ITGA8: variants seen among roughly 807,000 people sequenced by gnomAD.
ITGA8 encodes integrin alpha-8.
In ITGA8, 91 loss-of-function variants were observed where a neutral mutation model predicts 142.3. The ratio of observed to expected loss-of-function variants is 0.64; its 90% CI spans 0.54 to 0.76. The LOEUF (loss-of-function observed/expected upper bound fraction) is 0.76, where lower values mean the gene tolerates loss of function less well. Among genes scored for constraint, ITGA8 ranks in the 30% least tolerant of loss-of-function variants. The probability of loss-of-function intolerance (pLI) is 0.00; values close to 1 mark genes in which losing one functional copy is unlikely to be tolerated. For synonymous variants in ITGA8, 505 were observed against 485.2 expected (o/e 1.04, Z -0.54); for missense variants, 1,406 against 1,327.7 (o/e 1.06, Z -0.92).
intron 28 of ITGA8, among the ~76,000 whole-genome samples, chr10:15,529,420 G>A (rs1249368295): frequency 6.6e-6 from 1 of 152,160 alleles, no homozygotes; most frequent in African/African-American, 2.4e-5. Context: ...CTTCCCAAAG[G>A]TTTCCTAATT....
At chr10:15,563,223 C>A (rs1483629190) in intron 25 of ITGA8, among the ~76,000 whole-genome samples, 1 of 152,178 alleles carries the variant, frequency 6.6e-6, no homozygotes, top group African/African-American at 2.4e-5. Flanking sequence ...AACCTCTTTT[C>A]TTTGTGAATT....
chr10:15,562,780 G>T (rs1238003592), intron 25 of ITGA8, among the ~76,000 whole-genome samples: 2 of 152,158 alleles, frequency 1.3e-5, no homozygotes, highest in Admixed American at 6.5e-5. Context: ...GTGGGCCCTG[G>T]GACATCCCAG....
In ITGA8 at chr10:15,592,435, C is replaced by G. The variant is rs9333173; in HGVS notation, c.2212-131G>C. 2.7e-3 allele frequency: 1,854 copies of G among 680,186 alleles called. 15 individuals carry two copies. In the African/African-American group the frequency reaches 0.029, roughly 11 times the overall value. 42.1% of individuals were successfully genotyped at this position (680,186 alleles called of 1,614,324 possible). A position where few individuals can be genotyped will look rare whatever the true frequency, so the allele number is the denominator to read the frequency against. On this transcript the variant is annotated intron_variant, in intron 21 of 29. Transcript: ENST00000378076. The stretch of plus-strand genomic sequence containing the variant: ...TTTGTTCTGCTTCTACCCCAGGTGG[C>G]TGAGAGCCAAGAGAAGTCATGCAAT...
In ITGA8 at chr10:15,635,853, G is replaced by A. The variant is rs551873766; in HGVS notation, c.1399+8177C>T. Among the ~76,000 whole-genome samples the A allele has an allele frequency of 3.4e-5, 5 of 148,902 alleles. 1 individual carries two copies. In the South Asian group the frequency reaches 1.1e-3, roughly 33 times the overall value. On this transcript the variant is annotated intron_variant, in intron 13 of 29. Transcript: ENST00000378076. ...AAGGAGCTTAAAGTTTAATTGAAAT[G>A]CAGTATTCCCTTTGGATAAAGCCTC...
chr10:15,697,266 T>C (rs965269018), intron 2 of ITGA8, among the ~76,000 whole-genome samples: 1 of 152,218 alleles, frequency 6.6e-6, no homozygotes, highest in Non-Finnish European at 1.5e-5. Flanking sequence ...TTCTGAGGTT[T>C]TTTAAAAGTA....
At chr10:15,549,250 G>C (rs972593102) in intron 26 of ITGA8, among the ~76,000 whole-genome samples, 2 of 102,444 alleles carry the variant, frequency 2.0e-5, no homozygotes, top group Admixed American at 1.9e-4. Flanking sequence ...TGCTCTTCTT[G>C]CCCAGGCTGG....
intron 28 of ITGA8, among the ~76,000 whole-genome samples, chr10:15,523,126 A>C (rs1795593754): frequency 6.6e-6 from 1 of 152,216 alleles, no homozygotes; most frequent in African/African-American, 2.4e-5. Context: ...AAAGGAGTTG[A>C]AATAGAGGCT....
intron 20 of ITGA8, among the ~76,000 whole-genome samples, chr10:15,599,222 A>G (rs868610991): frequency 6.6e-6 from 1 of 151,368 alleles, no homozygotes; most frequent in Non-Finnish European, 1.5e-5. Flanking sequence ...TTCTTTTTTT[A>G]GGCATTATTT....
intron 28 of ITGA8, among the ~76,000 whole-genome samples, chr10:15,530,337 G>C (rs1833262282): frequency 6.6e-6 from 1 of 152,022 alleles, no homozygotes; most frequent in African/African-American, 2.4e-5. Flanking sequence ...CACAAGTTCA[G>C]GAGTTCGAGA....
At chr10:15,658,024 T>C (rs1041266487) in intron 10 of ITGA8, among the ~76,000 whole-genome samples, 2 of 152,176 alleles carry the variant, frequency 1.3e-5, no homozygotes, top group Admixed American at 1.3e-4. Context: ...TTTTGTTTGA[T>C]CAAAAGGCAG....
chr10:15,613,696 G>A lies in ITGA8; in HGVS notation c.1517C>T (p.Thr506Ile). 1 of 1,614,082 alleles carries A rather than the reference G, an allele frequency of 6.2e-7. No individual in the cohort carries two copies. The highest frequency in any genetic ancestry group is 1.7e-5 in the Admixed American group (1 of 60,020). Residue 506 changes from threonine (T) to isoleucine (I), a missense_variant, in exon 15 of 30, where the codon ACT becomes ATT. Transcript: ENST00000378076. Reference sequence around the variant, plus strand: ...TGTCATAGAGTCTGGAACCTGGCAAGTTTTATTTTCAAGATTGATAATCAT... The same window carrying A: ...TGTCATAGAGTCTGGAACCTGGCAAATTTTATTTTCAAGATTGATAATCAT... ...HPMIINLENK[T>I]CQVPDSMTSA...
intron 24 of ITGA8, among the ~76,000 whole-genome samples, chr10:15,572,680 C>G (rs545927193): frequency 6.6e-6 from 1 of 152,206 alleles, no homozygotes; most frequent in Non-Finnish European, 1.5e-5. Flanking sequence ...TTAATCATAG[C>G]GCTAGAAATT....
intron 23 of ITGA8, among the ~76,000 whole-genome samples, chr10:15,581,328 C>A (rs935169637): frequency 1.3e-5 from 2 of 152,200 alleles, no homozygotes; most frequent in Non-Finnish European, 2.9e-5. Context: ...TATCACATGT[C>A]AATAGCAGAA....
At position 15,666,426 on chromosome 10, in the gene ITGA8, G is replaced by A. The variant is rs548381751; in HGVS notation, c.847+5177C>T. On this transcript the variant is annotated intron_variant, in intron 8 of 29. Transcript: ENST00000378076. ...GCTTGAGGAGATTTTGGGCTGAGAC[G>A]ATGGGGTTTTCTAGATATACAGTCA... Among the ~76,000 whole-genome samples the A allele has an allele frequency of 4.6e-4, 70 of 152,236 alleles. No individual in the cohort carries two copies. The East Asian group carries it at 8.3e-3, about 18-fold the overall frequency.
chr10:15,547,937 G>A (rs892263584), intron 27 of ITGA8, among the ~76,000 whole-genome samples: 1 of 152,106 alleles, frequency 6.6e-6, no homozygotes, highest in African/African-American at 2.4e-5. Flanking sequence ...AGGTCTTAGG[G>A]ACTCAGGATG....
At chr10:15,626,587 C>T (rs887768193) in intron 13 of ITGA8, among the ~76,000 whole-genome samples, 5 of 152,120 alleles carry the variant, frequency 3.3e-5, no homozygotes, top group East Asian at 3.9e-4. Context: ...TCTGCACCCT[C>T]GATTCCCTTG....
At chr10:15,565,573 ATTTTTTTTTTT>A (rs71374633) in intron 25 of ITGA8, among the ~76,000 whole-genome samples, 19 of 34,778 alleles carry the variant, frequency 5.5e-4, no homozygotes, top group African/African-American at 1.5e-3. Context: ...TCATGTCCTG[ATTTTTTTTTTT>A]TTTTTTTTTT....
intron 10 of ITGA8, among the ~76,000 whole-genome samples, chr10:15,656,984 C>A (rs1424838873): frequency 6.6e-6 from 1 of 152,204 alleles, no homozygotes; most frequent in African/African-American, 2.4e-5. Context: ...AAAATGAATA[C>A]ATGAGTTAAC....
At chr10:15,707,680 A>G (rs1477968407) in intron 2 of ITGA8, among the ~76,000 whole-genome samples, 6 of 151,790 alleles carry the variant, frequency 4.0e-5, no homozygotes, top group Admixed American at 6.6e-5. Context: ...AAAATTAGCC[A>G]TGTGTGGTGG....
Sources: gnomAD v4.1 joint callset for allele counts (sites outside exome capture counted in the v4.1 genomes callset) on GRCh38, gnomAD v4.1.1 for gene constraint, MANE v1.5 for transcripts, NCBI Gene and HGNC (gene_info 2026-07-23, HGNC 2026-07-21) for gene names.